The following RAD51C variants were observed in gnomAD, a reference collection of about 807,000 sequenced individuals.
RAD51C encodes DNA repair protein RAD51 homolog 3.
A neutral mutation model predicts 45.0 loss-of-function variants in RAD51C; 42 were observed. The observed-to-expected ratio is 0.93, with a 90% CI of 0.73 to 1.21. The LOEUF is 1.21. Among genes scored for constraint, RAD51C ranks in the 50% most tolerant of loss-of-function variants. The pLI is 0.00. For synonymous variants in RAD51C, 172 were observed against 159.8 expected (o/e 1.08, Z -0.58); for missense variants, 474 against 452.2 (o/e 1.05, Z -0.44).
chr17:58,702,536 T>C (rs1056654474), intron 3 of RAD51C, among the ~76,000 whole-genome samples: 4 of 151,562 alleles, frequency 2.6e-5, no homozygotes, highest in African/African-American at 7.3e-5. Context: ...CTACTAAAAA[T>C]ACAAAAATTA....
At chr17:58,713,117 C>T (rs1053223039) in intron 5 of RAD51C, among the ~76,000 whole-genome samples, 1 of 152,108 alleles carries the variant, frequency 6.6e-6, no homozygotes, top group Non-Finnish European at 1.5e-5. Flanking sequence ...CAGAGCAAGA[C>T]CCTGTCTTCA....
At chr17:58,726,130 TTTTA>T (rs911302369) in intron 7 of RAD51C, among the ~76,000 whole-genome samples, 1 of 151,976 alleles carries the variant, frequency 6.6e-6, no homozygotes, top group African/African-American at 2.4e-5. Flanking sequence ...CTTATTTTTA[TTTTA>T]TTTATTTTTC....
chr17:58,693,160 G>C (rs2047850621), intron 1 of RAD51C: 1 of 262,350 alleles, frequency 3.8e-6, no homozygotes, highest in African/African-American at 2.3e-5. Context: ...ACTGGAGTCA[G>C]AATTGGTTGT....
At chr17:58,734,012 G>A in intron 8 of RAD51C, 106 bp from the exon 9 acceptor site, 5 of 1,506,022 alleles carry the variant, frequency 3.3e-6, no homozygotes, top group Non-Finnish European at 4.5e-6. Flanking sequence ...CACTGCGCCT[G>A]GCCCTAGAAT....
chr17:58,728,962 G>A lies in RAD51C; in HGVS notation c.966-3522G>A, dbSNP rs561618066. Reference sequence around the variant, plus strand: ...TACTCTTTGCCAAGACGATCTGGTGGTAGAGTGGAGTAATAAATCAACACC... The same window carrying A: ...TACTCTTTGCCAAGACGATCTGGTGATAGAGTGGAGTAATAAATCAACACC... On this transcript the variant is annotated intron_variant, in intron 7 of 8. Coordinates refer to ENST00000337432, the MANE Select transcript of RAD51C (RefSeq NM_058216.3). Among the ~76,000 whole-genome samples the A allele has an allele frequency of 6.6e-5, 10 of 152,278 alleles. No homozygotes were observed. The East Asian group carries it at 1.7e-3, about 26-fold the overall frequency.
chr17:58,735,008 A>G lies in RAD51C; in HGVS notation c.*786A>G, dbSNP rs2049587798. The G allele has an allele frequency of 6.6e-6, 1 of 152,150 alleles. No homozygotes were observed. The allele number at this position is 152,150 out of a possible 1,614,324, so 9.4% of individuals were successfully genotyped here. On this transcript the variant is annotated 3_prime_UTR_variant, in exon 9 of 9. Transcript: ENST00000337432. The stretch of plus-strand genomic sequence containing the variant: ...ATTATTCTGTTCAGTTTTATAGGTA[A>G]GATACAAATTTTAGGTGACCAAACT...
At chr17:58,733,821 C>T (rs566238390) in intron 8 of RAD51C, among the ~76,000 whole-genome samples, 15 of 152,214 alleles carry the variant, frequency 9.9e-5, no homozygotes, top group Admixed American at 3.3e-4. Flanking sequence ...CAGGTTCAAG[C>T]GATTCTCCTG....
At position 58,695,182 on chromosome 17, in the gene RAD51C, C is replaced by T. The variant is rs387907159; in HGVS notation, c.397C>T (p.Gln133Ter). Residue 133 changes from glutamine (Q) to a stop codon, truncating the protein, a stop_gained, in exon 2 of 9, where the codon CAA becomes TAA. Coordinates refer to ENST00000337432, the MANE Select transcript of RAD51C (RefSeq NM_058216.3). LOFTEE classifies it high-confidence loss of function. ...TGGTGCACCAGGTGTTGGAAAAACA[C>T]AATTATGGTAAAATAAAGTGTTCTC... ...ICGAPGVGKT[Q>*]LCMQLAVDVQ... 14 of 1,610,312 alleles carry T rather than the reference C, an allele frequency of 8.7e-6. No individual in the cohort carries two copies. The highest frequency in any genetic ancestry group is 1.0e-5 in the Non-Finnish European group (12 of 1,177,732).
At chr17:58,724,776 G>C (rs2049055715) in intron 7 of RAD51C, among the ~76,000 whole-genome samples, 1 of 152,100 alleles carries the variant, frequency 6.6e-6, no homozygotes. Context: ...GAAAATGTCA[G>C]ATTCATGCTA....
intron 7 of RAD51C, among the ~76,000 whole-genome samples, chr17:58,727,280 A>G (rs2049201283): frequency 1.3e-5 from 2 of 151,736 alleles, no homozygotes; most frequent in African/African-American, 4.8e-5. Context: ...GCCTGCCACC[A>G]CACCTTGCTA....
At chr17:58,694,826 C>T (rs1218590099) in intron 1 of RAD51C, 105 bp from the exon 2 acceptor site, 1 of 1,108,282 alleles carries the variant, frequency 9.0e-7, no homozygotes, top group Non-Finnish European at 1.4e-6. Flanking sequence ...TGTTTCTCCA[C>T]TCCTAGCATC....
intron 4 of RAD51C, among the ~76,000 whole-genome samples, chr17:58,709,254 G>C (rs1276888974): frequency 6.6e-6 from 1 of 151,430 alleles, no homozygotes; most frequent in African/African-American, 2.4e-5. Flanking sequence ...AATTTTTGTA[G>C]TTTTAGCAGA....
At chr17:58,694,481 T>TC in intron 1 of RAD51C, 1 of 104,110 alleles carries the variant, frequency 9.6e-6, no homozygotes, top group East Asian at 2.8e-4. Context: ...TAAGCTGAAT[T>TC]TTTTTTTTTT....
intron 1 of RAD51C, 190 bp downstream of exon 1, chr17:58,692,978 G>C: frequency 2.6e-6 from 2 of 780,972 alleles, no homozygotes; most frequent in Non-Finnish European, 4.0e-6. Context: ...AACTGTGGTC[G>C]TGAAAACATT....
rs1473651696 is a variant in RAD51C at position 58,734,139 on chromosome 17, G to C, written c.1048G>C (p.Val350Leu). 1 of 1,613,506 alleles carries C rather than the reference G, an allele frequency of 6.2e-7. No homozygotes were observed. ...QIKPQGFRDT[V>L]VTSACSLQTE... Reference sequence around the variant, plus strand: ...TCAGCCTCAGGGATTTAGAGATACTGTTGTTACTTCTGCATGTTCATTGCA... The same window carrying C: ...TCAGCCTCAGGGATTTAGAGATACTCTTGTTACTTCTGCATGTTCATTGCA... Residue 350 changes from valine to leucine, a missense_variant, in exon 9 of 9, where the codon GTT becomes CTT. Physicochemically the swap from Val to Leu is conservative, Grantham distance 32. Coordinates refer to ENST00000337432, the MANE Select transcript of RAD51C (RefSeq NM_058216.3).
chr17:58,728,879 T>C (rs918095727), intron 7 of RAD51C, among the ~76,000 whole-genome samples: 4 of 152,140 alleles, frequency 2.6e-5, no homozygotes, highest in Non-Finnish European at 5.9e-5. Flanking sequence ...ATTATGTGAG[T>C]TTTCCTCCAA....
chr17:58,713,230 A>G (rs762230527), intron 5 of RAD51C, among the ~76,000 whole-genome samples: 1 of 152,182 alleles, frequency 6.6e-6, no homozygotes, highest in East Asian at 1.9e-4. Context: ...TTCCATGTAT[A>G]CTACTTTTTT....
intron 7 of RAD51C, among the ~76,000 whole-genome samples, chr17:58,726,926 T>C (rs1814178129): frequency 6.6e-6 from 1 of 152,084 alleles, no homozygotes; most frequent in Non-Finnish European, 1.5e-5. Flanking sequence ...GTTCACGCCA[T>C]TCTCCTGCCT....
At chr17:58,714,490 G>A (rs1431790761) in intron 5 of RAD51C, among the ~76,000 whole-genome samples, 3 of 151,622 alleles carry the variant, frequency 2.0e-5, no homozygotes, top group Non-Finnish European at 4.4e-5. Context: ...ACGGAGTCTC[G>A]CTCTGTCGCC....
Sources: allele counts gnomAD v4.1 joint callset (sites outside exome capture counted in the v4.1 genomes callset), GRCh38; gene constraint gnomAD v4.1.1; transcripts MANE v1.5; gene names NCBI Gene and HGNC (gene_info 2026-07-23, HGNC 2026-07-21).